POLG2: variants seen among roughly 807,000 people sequenced by gnomAD.
POLG2 encodes the protein DNA polymerase gamma 2, accessory subunit.
In POLG2, 50 loss-of-function variants were observed where a neutral mutation model predicts 56.5. The observed-to-expected ratio is 0.88, with a 90% confidence interval of 0.71 to 1.12. The LOEUF (loss-of-function observed/expected upper bound fraction) is 1.12, where lower values mean the gene tolerates loss of function less well. POLG2 is among the 50% of genes most tolerant of loss of function. The pLI, the probability that POLG2 is intolerant of heterozygous loss-of-function variation, is 0.00. For missense variants in POLG2, 584 were observed against 583.3 expected (o/e 1.00, Z -0.01); for synonymous variants, 226 against 222.6 (o/e 1.02, Z -0.14).
chr17:64,478,119 A>G (rs1409059573), intron 7 of POLG2, 131 bp from the exon 8 acceptor site: 2 of 826,616 alleles, frequency 2.4e-6, no homozygotes, highest in African/African-American at 1.7e-5. Flanking sequence ...GTGGACCAAA[A>G]AAACCCAACA....
intron 4 of POLG2, among the ~76,000 whole-genome samples, chr17:64,489,827 A>G (rs1247285675): frequency 5.9e-5 from 9 of 152,292 alleles, no homozygotes; most frequent in African/African-American, 2.2e-4. Flanking sequence ...AGAATCATCA[A>G]TGGATGCTGC....
chr17:64,480,202 A>G (rs1363937811), intron 7 of POLG2, 87 bp downstream of exon 7: 3 of 380,002 alleles, frequency 7.9e-6, no homozygotes, highest in Non-Finnish European at 1.4e-5. Context: ...TTATATATAA[A>G]TTTAGAAGAG....
chr17:64,478,758 G>T (rs536053158), intron 7 of POLG2, among the ~76,000 whole-genome samples: 1 of 151,902 alleles, frequency 6.6e-6, no homozygotes, highest in Non-Finnish European at 1.5e-5. Flanking sequence ...TTAGCTGGGC[G>T]TGGTGGCAGG....
chr17:64,496,404 T>C lies in POLG2; in HGVS notation c.562+3A>G, dbSNP rs376608956. On this transcript the variant is annotated splice_donor_region_variant and intron_variant, in intron 1 of 7. Transcript: ENST00000539111. ...TTTTGAAGCATGAAATCGTGAAGCATACCGTGAAGAAGGTTCTCCCGTAGT... is the reference window on the plus strand; with the variant it reads ...TTTTGAAGCATGAAATCGTGAAGCACACCGTGAAGAAGGTTCTCCCGTAGT... 3.2e-6 allele frequency: 5 copies of C among 1,559,558 alleles called. No homozygotes were observed. The highest frequency in any genetic ancestry group is 1.4e-5 in the African/African-American group (1 of 73,464).
At chr17:64,481,213 T>C (rs1033732330) in intron 6 of POLG2, 20 of 909,516 alleles carry the variant, frequency 2.2e-5, no homozygotes, top group Non-Finnish European at 2.5e-5. Context: ...AGGAGCTTCC[T>C]AGCTTATAAG....
chr17:64,481,272 C>G, intron 6 of POLG2: 5 of 985,342 alleles, frequency 5.1e-6, no homozygotes, highest in Non-Finnish European at 6.0e-6. Flanking sequence ...GGACATACGC[C>G]ATTATCTTCT....
At chr17:64,490,711 C>T (rs1380972277) in intron 4 of POLG2, 85 bp downstream of exon 4, 7 of 1,042,964 alleles carry the variant, frequency 6.7e-6, no homozygotes, top group South Asian at 3.9e-5. Flanking sequence ...TAAGACACCA[C>T]GTTTGCACCT....
intron 4 of POLG2, among the ~76,000 whole-genome samples, chr17:64,489,083 C>A (rs1424712907): frequency 6.9e-6 from 1 of 144,988 alleles, no homozygotes; most frequent in Admixed American, 7.0e-5. Flanking sequence ...TGGAGTGCAG[C>A]AGCACAGTCT....
At chr17:64,478,109 G>A in intron 7 of POLG2, 121 bp from the exon 8 acceptor site, 2 of 991,810 alleles carry the variant, frequency 2.0e-6, no homozygotes, top group Non-Finnish European at 3.0e-6. Context: ...GGGCTTAAGG[G>A]TGGACCAAAA....
chr17:64,479,053 C>G (rs1458438496), intron 7 of POLG2, among the ~76,000 whole-genome samples: 2 of 152,008 alleles, frequency 1.3e-5, no homozygotes, highest in African/African-American at 4.8e-5. Flanking sequence ...CCACATGGCT[C>G]AAAGGATAAG....
In POLG2 at chr17:64,485,721, A is replaced by C. The variant is rs201661245; in HGVS notation, c.1110+7T>G. ...TCCCAAGTCTATCTCTGAAATATCA[A>C]CAGCACCTTTCTATGAAGATTTTTC... On this transcript the variant is annotated splice_region_variant and intron_variant, in intron 5 of 7. Coordinates refer to ENST00000539111, the MANE Select transcript of POLG2 (RefSeq NM_007215.4). The C allele has an allele frequency of 1.2e-6, 2 of 1,609,358 alleles. No homozygotes were observed. Among genetic ancestry groups the C allele is most frequent in the East Asian group, 4.5e-5 (2 of 44,860 alleles).
chr17:64,485,208 T>G (rs1235257819), intron 5 of POLG2: 2 of 157,612 alleles, frequency 1.3e-5, no homozygotes, highest in Non-Finnish European at 2.8e-5. Flanking sequence ...CTCCTATAAC[T>G]TCAACTTCTC....
At position 64,497,026 on chromosome 17, in the gene POLG2, C is replaced by CA; in HGVS notation, c.-59_-58insT. On this transcript the variant is annotated 5_prime_UTR_variant, in exon 1 of 8. Coordinates refer to ENST00000539111, the MANE Select transcript of POLG2 (RefSeq NM_007215.4). ...TCACTCAACGGATCCCAACAAGCCA[C>CA]CACTACCGTTAACAGAATCCGGAGA... The CA allele has an allele frequency of 6.6e-7, 1 of 1,512,176 alleles. No homozygotes were observed. Among genetic ancestry groups the CA allele is most frequent in the Non-Finnish European group, 9.1e-7 (1 of 1,100,510 alleles). 93.7% of individuals were successfully genotyped at this position (1,512,176 alleles called of 1,614,324 possible).
chr17:64,496,771 G>A lies in POLG2; in HGVS notation c.198C>T (p.Ser66=), dbSNP rs1555669621. The part of the protein sequence containing the change: ...HPEAPGSGEG[S]EALLEICQRR... Reference sequence around the variant, plus strand: ...TCTGACAGATCTCTAACAGCGCCTCGCTTCCCTCTCCAGACCCGGGGGCTT... The same window carrying A: ...TCTGACAGATCTCTAACAGCGCCTCACTTCCCTCTCCAGACCCGGGGGCTT... Residue 66 remains serine (S), a synonymous_variant, in exon 1 of 8, where the codon AGC becomes AGT. Coordinates refer to ENST00000539111, the MANE Select transcript of POLG2 (RefSeq NM_007215.4). 8 of 1,613,800 alleles carry A rather than the reference G, an allele frequency of 5.0e-6. No homozygotes were observed. The highest frequency in any genetic ancestry group is 5.1e-6 in the Non-Finnish European group (6 of 1,179,976).
Position 64,482,978 on chromosome 17 carries a change from A to C in POLG2, c.1132T>G (p.Leu378Val), listed in dbSNP as rs370642712. 6.2e-7 allele frequency: 1 copy of C among 1,605,106 alleles called. No individual in the cohort carries two copies. The highest frequency in any genetic ancestry group is 8.5e-7 in the Non-Finnish European group (1 of 1,172,072). ...TCCAAAGCAACCTTAATAGGGGCTA[A>C]ACAAGGGTGAAGTTTAAGTACCTAA... is the stretch of plus-strand genomic sequence containing the variant. ...HRKVLKLHPC[L>V]APIKVALDVG... Residue 378 changes from leucine to valine, a missense_variant, in exon 6 of 8, where the codon TTA becomes GTA. Physicochemically the swap from Leu to Val is conservative, Grantham distance 32. Coordinates refer to ENST00000539111, the MANE Select transcript of POLG2 (RefSeq NM_007215.4).
intron 7 of POLG2, 24 bp downstream of exon 7, chr17:64,480,265 C>T (rs1555666222): frequency 9.1e-7 from 1 of 1,104,736 alleles, no homozygotes; most frequent in Non-Finnish European, 1.4e-6. Flanking sequence ...TAAATACACT[C>T]TTTAATGAAA....
At position 64,496,986 on chromosome 17, in the gene POLG2, G is replaced by A. The variant is rs782445961; in HGVS notation, c.-18C>T. 4.4e-6 allele frequency: 7 copies of A among 1,597,024 alleles called. No individual in the cohort carries two copies. The highest frequency in any genetic ancestry group is 2.7e-5 in the African/African-American group (2 of 74,816). On this transcript the variant is annotated 5_prime_UTR_variant, in exon 1 of 8. Coordinates refer to ENST00000539111, the MANE Select transcript of POLG2 (RefSeq NM_007215.4). ...GAGCGCATCTCTCTCCGAAGTTAAAGAGCACACTCTCCCATCACTCAACGG... is the reference window on the plus strand; with the variant it reads ...GAGCGCATCTCTCTCCGAAGTTAAAAAGCACACTCTCCCATCACTCAACGG...
intron 3 of POLG2, chr17:64,491,846 C>A: frequency 8.4e-6 from 3 of 357,476 alleles, no homozygotes; most frequent in South Asian, 2.5e-5. Context: ...CCTCCATAAG[C>A]AACACAATCT....
chr17:64,493,492 CT>C lies in POLG2; in HGVS notation c.563-472del, dbSNP rs371713410. Among the ~76,000 whole-genome samples, 459 of 148,126 alleles carry C rather than the reference CT, an allele frequency of 3.1e-3. 2 individuals are homozygous for C. Among genetic ancestry groups the C allele is most frequent in the African/African-American group, 0.011 (442 of 40,486 alleles). ...CCTGAGTTTTTAGTTTGAAGATTTT[CT>C]TTTTTTTTTGAGATGGAGTCTCGCT... On this transcript the variant is annotated intron_variant, in intron 1 of 7. Coordinates refer to ENST00000539111, the MANE Select transcript of POLG2 (RefSeq NM_007215.4).
Sources: gnomAD v4.1 joint callset for allele counts (sites outside exome capture counted in the v4.1 genomes callset) on GRCh38, gnomAD v4.1.1 for gene constraint, MANE v1.5 for transcripts, NCBI Gene and HGNC (gene_info 2026-07-23, HGNC 2026-07-21) for gene names.